The following PARD3B variants were observed in gnomAD, a reference collection of about 807,000 sequenced individuals.
PARD3B encodes partitioning defective 3 homolog B.
A neutral mutation model predicts 130.2 loss-of-function variants in PARD3B; 103 were observed. The observed-to-expected ratio is 0.79, with a 90% CI of 0.67 to 0.93. PARD3B has a LOEUF of 0.93. Ranked by LOEUF, PARD3B falls within the 40% of genes least tolerant of loss-of-function variation. The probability of loss-of-function intolerance (pLI) is 0.00; values close to 1 mark genes in which losing one functional copy is unlikely to be tolerated. For synonymous variants in PARD3B, 583 were observed against 553.2 expected (o/e 1.05, Z -0.76); for missense variants, 1,609 against 1,499.2 (o/e 1.07, Z -1.21).
chr2:205,101,592 C>A (rs761925549), intron 4 of PARD3B, among the ~76,000 whole-genome samples: 12 of 152,068 alleles, frequency 7.9e-5, no homozygotes, highest in Non-Finnish European at 1.5e-4. Flanking sequence ...ATGTTCATGG[C>A]AACATTATTC....
chr2:205,340,866 C>T (rs1451393777), intron 18 of PARD3B, among the ~76,000 whole-genome samples: 4 of 151,932 alleles, frequency 2.6e-5, no homozygotes, highest in African/African-American at 4.8e-5. Context: ...AACTAATATC[C>T]GGAACACCTA....
chr2:204,645,323 T>C (rs1442211590), intron 1 of PARD3B, among the ~76,000 whole-genome samples: 2 of 152,164 alleles, frequency 1.3e-5, no homozygotes, highest in Non-Finnish European at 1.5e-5. Context: ...AGTGTGTCCA[T>C]TGACAGTTCT....
chr2:205,506,989 C>T (rs1470062458), intron 21 of PARD3B, among the ~76,000 whole-genome samples: 2 of 152,080 alleles, frequency 1.3e-5, no homozygotes, highest in Admixed American at 1.3e-4. Context: ...ATTCTCTCTG[C>T]AGGCACCATT....
chr2:204,999,541 C>G (rs1172886225), intron 3 of PARD3B, among the ~76,000 whole-genome samples: 2 of 152,124 alleles, frequency 1.3e-5, no homozygotes, highest in Non-Finnish European at 2.9e-5. Flanking sequence ...CCAAGCGCAC[C>G]CAATCTTTTC....
chr2:205,092,039 T>C (rs1167337444), intron 4 of PARD3B, among the ~76,000 whole-genome samples: 2 of 152,172 alleles, frequency 1.3e-5, no homozygotes, highest in Non-Finnish European at 2.9e-5. Flanking sequence ...TGTTCAATTT[T>C]GCTTTTGATT....
At chr2:204,792,595 G>T (rs1265835225) in intron 2 of PARD3B, among the ~76,000 whole-genome samples, 1 of 151,798 alleles carries the variant, frequency 6.6e-6, no homozygotes, top group Non-Finnish European at 1.5e-5. Context: ...TGGAATTTAG[G>T]ACTTCCCAGC....
intron 20 of PARD3B, among the ~76,000 whole-genome samples, chr2:205,450,183 G>T (rs567324956): frequency 2.6e-4 from 40 of 152,206 alleles, no homozygotes; most frequent in African/African-American, 9.1e-4. Context: ...TATATTATCA[G>T]ACTGTATTAC....
Position 204,686,194 on chromosome 2 carries a change from GGGT to G in PARD3B, c.136_138del (p.Val46del). 6.2e-7 allele frequency: 1 copy of G among 1,609,204 alleles called. No individual in the cohort carries two copies. Among genetic ancestry groups the G allele is most frequent in the Non-Finnish European group, 8.5e-7 (1 of 1,175,742 alleles). On this transcript the variant is annotated inframe_deletion, in exon 2 of 23. Coordinates refer to ENST00000406610, the MANE Select transcript of PARD3B (RefSeq NM_001302769.2). Reference sequence around the variant, plus strand: ...GTTCTACTATAGGGTCCTGGTTACTGGGTGAAGATTCATCACTTAGAATATACA... The same window carrying G: ...GTTCTACTATAGGGTCCTGGTTACTGGAAGATTCATCACTTAGAATATACA...
At chr2:204,994,915 T>C in intron 3 of PARD3B, among the ~76,000 whole-genome samples, 1 of 151,766 alleles carries the variant, frequency 6.6e-6, no homozygotes, top group East Asian at 1.9e-4. Flanking sequence ...CTGCCTTTTT[T>C]TGTTTTCCAT....
At position 204,606,068 on chromosome 2, in the gene PARD3B, T is replaced by A. The variant is rs2033713634; in HGVS notation, c.120+59949T>A. ...TTACCAAGAAGTGCTTTAGAGGGTTTTCAGTAGATGGAAACTGGAATTTTA... is the reference window on the plus strand; with the variant it reads ...TTACCAAGAAGTGCTTTAGAGGGTTATCAGTAGATGGAAACTGGAATTTTA... On this transcript the variant is annotated intron_variant, in intron 1 of 22. Coordinates refer to ENST00000406610, the MANE Select transcript of PARD3B (RefSeq NM_001302769.2). This position sits in a 1 kb window ranked among gnomAD's most constrained non-coding sequence, Gnocchi z 4.0. Among the ~76,000 whole-genome samples, 1 of 152,170 alleles carries A rather than the reference T, an allele frequency of 6.6e-6. No homozygotes were observed. The highest frequency in any genetic ancestry group is 2.1e-4 in the South Asian group (1 of 4,828).
At chr2:204,847,212 G>A (rs2044499536) in intron 2 of PARD3B, among the ~76,000 whole-genome samples, 2 of 139,798 alleles carry the variant, frequency 1.4e-5, no homozygotes, top group Non-Finnish European at 3.0e-5. Flanking sequence ...TTTTAACTAC[G>A]TTGATAGGAG....
chr2:205,587,888 A>C (rs1444322985), intron 22 of PARD3B, among the ~76,000 whole-genome samples: 6 of 152,240 alleles, frequency 3.9e-5, no homozygotes, highest in African/African-American at 1.4e-4. Flanking sequence ...CTCTAGAAGC[A>C]GGATGAACAT....
chr2:204,619,930 G>C (rs1449412568), intron 1 of PARD3B, among the ~76,000 whole-genome samples: 1 of 152,152 alleles, frequency 6.6e-6, no homozygotes, highest in Non-Finnish European at 1.5e-5. Context: ...AGGCACTCAG[G>C]CTGACAAAGC....
intron 21 of PARD3B, among the ~76,000 whole-genome samples, chr2:205,551,365 T>TA (rs1484264254): frequency 6.6e-5 from 10 of 151,698 alleles, no homozygotes; most frequent in South Asian, 2.1e-4. Flanking sequence ...TTTTTTTTTT[T>TA]ATCCCCTGTC....
chr2:205,167,384 A>G (rs967887894), intron 11 of PARD3B, among the ~76,000 whole-genome samples: 3 of 152,096 alleles, frequency 2.0e-5, no homozygotes, highest in Non-Finnish European at 4.4e-5. Flanking sequence ...TTTTTCAAAA[A>G]TGAGTATCTG....
At chr2:204,908,854 A>G (rs943821154) in intron 2 of PARD3B, among the ~76,000 whole-genome samples, 4 of 152,204 alleles carry the variant, frequency 2.6e-5, no homozygotes, top group African/African-American at 9.6e-5. Context: ...AGATTACTTG[A>G]CCAAGGGGTT....
intron 18 of PARD3B, among the ~76,000 whole-genome samples, chr2:205,390,185 T>G (rs1241982813): frequency 6.6e-6 from 1 of 151,718 alleles, no homozygotes. Flanking sequence ...CTACATAATT[T>G]AAGATTTTTA....
chr2:204,743,062 A>T (rs1486153312), intron 2 of PARD3B, among the ~76,000 whole-genome samples: 1 of 152,102 alleles, frequency 6.6e-6, no homozygotes, highest in Non-Finnish European at 1.5e-5. Context: ...TCCTTTATTA[A>T]TTTTTTGGAA....
chr2:204,919,625 G>A (rs2047587268), intron 2 of PARD3B, among the ~76,000 whole-genome samples: 1 of 152,162 alleles, frequency 6.6e-6, no homozygotes, highest in Non-Finnish European at 1.5e-5. Context: ...TATTCCAAAA[G>A]TTATTTATCC....
Sources: gnomAD v4.1 joint callset for allele counts (sites outside exome capture counted in the v4.1 genomes callset) on GRCh38, gnomAD v4.1.1 for gene constraint, Gnocchi (gnomAD v3.1) non-coding constraint, MANE v1.5 for transcripts, NCBI Gene and HGNC (gene_info 2026-07-23, HGNC 2026-07-21) for gene names.